Variants in INPP4B observed in about 807,000 individuals in gnomAD.
INPP4B encodes the protein inositol polyphosphate 4-phosphatase type II.
A neutral mutation model predicts 122.5 loss-of-function variants in INPP4B; 55 were observed. That is an observed-to-expected ratio of 0.45 (90% CI 0.36 to 0.56). The LOEUF (loss-of-function observed/expected upper bound fraction) is 0.56, where lower values mean the gene tolerates loss of function less well. INPP4B is among the 20% of genes least tolerant of loss of function. The probability of loss-of-function intolerance (pLI) is 0.00; values close to 1 mark genes in which losing one functional copy is unlikely to be tolerated. For synonymous variants in INPP4B, 403 were observed against 388.7 expected, an observed-to-expected ratio of 1.04 and a Z score of -0.43; for missense variants, 1,000 against 1,097.7, an observed-to-expected ratio of 0.91 and a Z score of 1.26.
At chr4:142,644,905 C>CAAAAA (rs72460445) in intron 2 of INPP4B, among the ~76,000 whole-genome samples, 21 of 66,142 alleles carry the variant, frequency 3.2e-4, no homozygotes, top group Admixed American at 4.2e-4. Flanking sequence ...GACTCCATCT[C>CAAAAA]AAAAAAAAAA....
At chr4:142,762,536 C>G (rs548570192) in intron 1 of INPP4B, among the ~76,000 whole-genome samples, 43 of 152,154 alleles carry the variant, frequency 2.8e-4, no homozygotes, top group South Asian at 2.5e-3. Flanking sequence ...GTAAAGCAAT[C>G]CTACAAGAAG....
chr4:142,089,604 C>A (rs1778539226), intron 23 of INPP4B, among the ~76,000 whole-genome samples: 1 of 150,788 alleles, frequency 6.6e-6, no homozygotes, highest in Non-Finnish European at 1.5e-5. Context: ...TTAGGTATAC[C>A]TAATCCTTAA....
intron 11 of INPP4B, among the ~76,000 whole-genome samples, chr4:142,243,294 G>A (rs1463597422): frequency 1.3e-5 from 2 of 152,120 alleles, no homozygotes; most frequent in Non-Finnish European, 2.9e-5. Flanking sequence ...GATAGTTGAA[G>A]CATTTAAAGT....
At chr4:142,416,544 C>A (rs1805814676) in intron 5 of INPP4B, among the ~76,000 whole-genome samples, 1 of 151,834 alleles carries the variant, frequency 6.6e-6, no homozygotes, top group African/African-American at 2.4e-5. Context: ...AATATTTTAC[C>A]AGTAGAATTA....
intron 25 of INPP4B, among the ~76,000 whole-genome samples, chr4:142,074,042 T>C (rs137921811): frequency 0.01 from 1,594 of 152,160 alleles, 29 homozygotes; most frequent in African/African-American, 0.037. Flanking sequence ...GCTCCTGTCA[T>C]AGCATGATGC....
chr4:142,833,716 C>G (rs986209814), intron 1 of INPP4B, among the ~76,000 whole-genome samples: 1 of 151,954 alleles, frequency 6.6e-6, no homozygotes, highest in African/African-American at 2.4e-5. Context: ...CCACCTCAGC[C>G]AGCACCAGGT....
chr4:142,826,990 T>C lies in INPP4B; in HGVS notation c.-254+19219A>G, dbSNP rs139891726. 1.7e-3 allele frequency among the ~76,000 whole-genome samples: 265 copies of C among 152,324 alleles called. 2 individuals are homozygous for C. The East Asian group carries it at 0.018, about 10-fold the overall frequency. ...TAGCCCCTATTATGCCAAAGTCATC[T>C]TCCCCACCATTGTTTTCAAACCTCA... On this transcript the variant is annotated intron_variant, in intron 1 of 25. Transcript: ENST00000262992.
chr4:142,468,351 A>T (rs572177915), intron 2 of INPP4B, among the ~76,000 whole-genome samples: 1 of 152,302 alleles, frequency 6.6e-6, no homozygotes, highest in Non-Finnish European at 1.5e-5. Flanking sequence ...GGGATATTAT[A>T]GCAAAGGCAG....
At chr4:142,245,287 C>G (rs1291408650) in intron 11 of INPP4B, among the ~76,000 whole-genome samples, 1 of 152,098 alleles carries the variant, frequency 6.6e-6, no homozygotes, top group East Asian at 1.9e-4. Context: ...GAAGTCTTTG[C>G]CCATGCCTAT....
intron 15 of INPP4B, among the ~76,000 whole-genome samples, chr4:142,180,885 C>T (rs1158325942): frequency 6.6e-6 from 1 of 152,036 alleles, no homozygotes; most frequent in Non-Finnish European, 1.5e-5. Flanking sequence ...ATGTATGATT[C>T]TATTTTGTAA....
rs1764927904 is a variant in INPP4B, at chr4:142,723,316, T to C, written c.-191+2523A>G. 5.9e-5 allele frequency among the ~76,000 whole-genome samples: 9 copies of C among 152,242 alleles called. No individual in the cohort carries two copies. In the South Asian group the frequency reaches 1.9e-3, roughly 32 times the overall value. ...AAATATAATTACAGTCATGAAATTT[T>C]CTTAATTGAAATTTGATCTATTTCC... On this transcript the variant is annotated intron_variant, in intron 2 of 25. Coordinates refer to ENST00000262992, the MANE Select transcript of INPP4B (RefSeq NM_001101669.3).
At chr4:142,754,084 G>T (rs1770137736) in intron 1 of INPP4B, among the ~76,000 whole-genome samples, 1 of 152,056 alleles carries the variant, frequency 6.6e-6, no homozygotes, top group Non-Finnish European at 1.5e-5. Flanking sequence ...AAGTAAGTTT[G>T]TATTTAATGC....
intron 9 of INPP4B, among the ~76,000 whole-genome samples, chr4:142,291,426 T>C (rs1201286079): frequency 6.6e-6 from 1 of 152,182 alleles, no homozygotes; most frequent in Non-Finnish European, 1.5e-5. Context: ...CCAGCTGACA[T>C]TATGGGTAAT....
chr4:142,692,914 TATAG>T (rs3080817), intron 2 of INPP4B, among the ~76,000 whole-genome samples: 51 of 148,356 alleles, frequency 3.4e-4, no homozygotes, highest in African/African-American at 1.1e-3. Context: ...GGCTAGTCTC[TATAG>T]ATAGATAGAT....
intron 2 of INPP4B, among the ~76,000 whole-genome samples, chr4:142,512,604 C>G (rs893442791): frequency 2.0e-5 from 3 of 152,096 alleles, no homozygotes; most frequent in Non-Finnish European, 4.4e-5. Flanking sequence ...ATTCTTATAT[C>G]CCCACCTCCC....
At chr4:142,706,742 A>G (rs1762518599) in intron 2 of INPP4B, among the ~76,000 whole-genome samples, 1 of 152,248 alleles carries the variant, frequency 6.6e-6, no homozygotes, top group Non-Finnish European at 1.5e-5. Context: ...CAAATGAGTG[A>G]TATGCATTAT....
intron 7 of INPP4B, among the ~76,000 whole-genome samples, chr4:142,324,344 A>G (rs181507688): frequency 2.0e-5 from 3 of 152,232 alleles, no homozygotes; most frequent in Admixed American, 1.3e-4. Flanking sequence ...GTTATCTGGT[A>G]TGGCCCTCTG....
chr4:142,579,936 T>TAG (rs569171864), intron 2 of INPP4B, among the ~76,000 whole-genome samples: 1 of 150,142 alleles, frequency 6.7e-6, no homozygotes. Context: ...GATAGATAGA[T>TAG]ATCCTATTGC....
At chr4:142,464,541 T>A (rs1375300638) in intron 2 of INPP4B, among the ~76,000 whole-genome samples, 1 of 151,898 alleles carries the variant, frequency 6.6e-6, no homozygotes, top group African/African-American at 2.4e-5. Flanking sequence ...GGAAAAAAAA[T>A]TCCAGTTTTT....
Sources: allele counts gnomAD v4.1 joint callset (sites outside exome capture counted in the v4.1 genomes callset), GRCh38; gene constraint gnomAD v4.1.1; transcripts MANE v1.5; gene names NCBI Gene and HGNC (gene_info 2026-07-23, HGNC 2026-07-21).